Variants in BTN1A1 observed in about 807,000 individuals in gnomAD.
BTN1A1 encodes butyrophilin subfamily 1 member A1.
Under a neutral mutation model 33.1 loss-of-function variants are expected in BTN1A1, and 26 were observed. The observed-to-expected ratio is 0.79, with a 90% confidence interval of 0.58 to 1.09. BTN1A1 has a LOEUF of 1.09. Ranked by LOEUF, BTN1A1 falls within the 50% of genes least tolerant of loss-of-function variation. The pLI is 0.00. For missense variants in BTN1A1, 558 were observed against 655.7 expected (o/e 0.85, Z 1.63); for synonymous variants, 235 against 256.2 (o/e 0.92, Z 0.79).
chr6:26,500,959 C>T (rs1763790683), intron 1 of BTN1A1, among the ~76,000 whole-genome samples: 2 of 151,878 alleles, frequency 1.3e-5, no homozygotes. Flanking sequence ...TTTTTTAGTG[C>T]AGTGATTCCA....
chr6:26,501,432 C>T lies in BTN1A1; in HGVS notation c.79+67C>T, dbSNP rs1763796657. 1 of 1,578,766 alleles carries T rather than the reference C, an allele frequency of 6.3e-7. No homozygotes were observed. The highest frequency in any genetic ancestry group is 8.7e-7 in the Non-Finnish European group (1 of 1,148,818). On this transcript the variant is annotated intron_variant, in intron 2 of 7. Transcript: ENST00000684113. This position sits in a 1 kb window ranked among gnomAD's most constrained non-coding sequence, Gnocchi z 5.2. Reference sequence around the variant, plus strand: ...TCAATAAATGTAAAATAAACAATCCCACTTGGCTCTCCCTGGAGACCTCCA... The same window carrying T: ...TCAATAAATGTAAAATAAACAATCCTACTTGGCTCTCCCTGGAGACCTCCA...
chr6:26,506,808 A>C lies in BTN1A1; in HGVS notation c.835A>C (p.Arg279=). 1.9e-6 allele frequency: 3 copies of C among 1,614,152 alleles called. No homozygotes were observed. The highest frequency in any genetic ancestry group is 2.5e-6 in the Non-Finnish European group (3 of 1,180,016). ...ACTATACAACGAAAGACCCAGAGAG[A>C]GGAGGAATGAATTCAGCTCTAAAGG... is the stretch of plus-strand genomic sequence containing the variant. ...WRLYNERPRE[R]RNEFSSKERL... Residue 279 remains arginine, a synonymous_variant, in exon 5 of 8, where the codon AGG becomes CGG. Coordinates refer to ENST00000684113, the MANE Select transcript of BTN1A1 (RefSeq NM_001732.3).
chr6:26,505,084 A>C lies in BTN1A1; in HGVS notation c.587A>C (p.Glu196Ala). 1.2e-6 allele frequency: 2 copies of C among 1,614,238 alleles called. No individual in the cohort carries two copies. Among genetic ancestry groups the C allele is most frequent in the Non-Finnish European group, 1.7e-6 (2 of 1,180,048 alleles). ...ACATCAGAGTCCAGGAATCCTGATG[A>C]AGAAGGTTTGTTCACTGTGGCTGCT... is the stretch of plus-strand genomic sequence containing the variant. ...PSTSESRNPD[E>A]EGLFTVAASV... Residue 196 changes from glutamate to alanine, a missense_variant, in exon 4 of 8, where the codon GAA becomes GCA. Physicochemically the swap from Glu to Ala is moderately radical, Grantham distance 107. Coordinates refer to ENST00000684113, the MANE Select transcript of BTN1A1 (RefSeq NM_001732.3).
At chr6:26,503,657 A>ATT (rs1323263550) in intron 3 of BTN1A1, among the ~76,000 whole-genome samples, 1 of 148,678 alleles carries the variant, frequency 6.7e-6, no homozygotes, top group East Asian at 1.9e-4. Context: ...ATATGCATAT[A>ATT]TTATATATAT....
At position 26,509,458 on chromosome 6, in the gene BTN1A1, A is replaced by C; in HGVS notation, c.*284A>C. On this transcript the variant is annotated 3_prime_UTR_variant, in exon 8 of 8. Coordinates refer to ENST00000684113, the MANE Select transcript of BTN1A1 (RefSeq NM_001732.3). ...TAGGAAACTACTTGGAGCAAACTCAAAGGACAGATTAGGGATCGAGATTGG... is the reference window on the plus strand; with the variant it reads ...TAGGAAACTACTTGGAGCAAACTCACAGGACAGATTAGGGATCGAGATTGG... 2 of 336,636 alleles carry C rather than the reference A, an allele frequency of 5.9e-6. No individual in the cohort carries two copies. 20.9% of individuals were successfully genotyped at this position (336,636 alleles called of 1,614,324 possible).
intron 4 of BTN1A1, among the ~76,000 whole-genome samples, chr6:26,505,584 C>G (rs1001807520): frequency 6.6e-6 from 1 of 152,074 alleles, no homozygotes; most frequent in Non-Finnish European, 1.5e-5. Flanking sequence ...ACCACCGTGC[C>G]CAACTAATTT....
In BTN1A1 at chr6:26,506,680, T is replaced by C; in HGVS notation, c.710-3T>C. 1 of 1,613,304 alleles carries C rather than the reference T, an allele frequency of 6.2e-7. No homozygotes were observed. Among genetic ancestry groups the C allele is most frequent in the Non-Finnish European group, 8.5e-7 (1 of 1,179,844 alleles). On this transcript the variant is annotated splice_region_variant and splice_polypyrimidine_tract_variant and intron_variant, in intron 4 of 7. Transcript: ENST00000684113. ...AATGTCCTTCTTGGGGATTTTGTTTTAGCTTCCTCCCTCCCAAGGCTGACT... is the reference window on the plus strand; with the variant it reads ...AATGTCCTTCTTGGGGATTTTGTTTCAGCTTCCTCCCTCCCAAGGCTGACT...
Position 26,505,220 on chromosome 6 carries a change from A to T in BTN1A1, c.709+14A>T. Reference sequence around the variant, plus strand: ...TATCCATACCAGGTTAGTGGAACCAATGCTGCTGGATTCCTATGTTGACAC... The same window carrying T: ...TATCCATACCAGGTTAGTGGAACCATTGCTGCTGGATTCCTATGTTGACAC... On this transcript the variant is annotated intron_variant, in intron 4 of 7. Transcript: ENST00000684113. 6.2e-7 allele frequency: 1 copy of T among 1,607,588 alleles called. No homozygotes were observed. The highest frequency in any genetic ancestry group is 8.5e-7 in the Non-Finnish European group (1 of 1,175,022).
chr6:26,507,317 G>A lies in BTN1A1; in HGVS notation c.859+485G>A, dbSNP rs2113894080. Among the ~76,000 whole-genome samples, 2 of 152,286 alleles carry A rather than the reference G, an allele frequency of 1.3e-5. 1 individual carries two copies. The highest frequency in any genetic ancestry group is 4.2e-4 in the South Asian group (2 of 4,814). ...GATGCCAATATGAAGAAGCACAGAG[G>A]ATTGGGGCATAGGCAGAGTCTAATC... is the stretch of plus-strand genomic sequence containing the variant. On this transcript the variant is annotated intron_variant, in intron 5 of 7. Coordinates refer to ENST00000684113, the MANE Select transcript of BTN1A1 (RefSeq NM_001732.3).
At chr6:26,505,433 A>AT (rs1039761465) in intron 4 of BTN1A1, among the ~76,000 whole-genome samples, 2 of 152,218 alleles carry the variant, frequency 1.3e-5, no homozygotes, top group Admixed American at 6.5e-5. Context: ...TTATCTATTT[A>AT]TTTTTTGAGA....
At position 26,501,651 on chromosome 6, in the gene BTN1A1, G is replaced by A. The variant is rs763590337; in HGVS notation, c.141G>A (p.Glu47=). 45 of 1,613,998 alleles carry A rather than the reference G, an allele frequency of 2.8e-5. No individual in the cohort carries two copies. The highest frequency in any genetic ancestry group is 2.3e-4 in the Admixed American group (14 of 60,020). ...PILAVVGEDA[E]LPCRLSPNAS... ...TGGCCGTTGTGGGTGAGGACGCCGAGCTGCCCTGTCGCCTGTCTCCGAACG... is the reference window on the plus strand; with the variant it reads ...TGGCCGTTGTGGGTGAGGACGCCGAACTGCCCTGTCGCCTGTCTCCGAACG... Residue 47 remains glutamate (E), a synonymous_variant, in exon 3 of 8, where the codon GAG becomes GAA. Transcript: ENST00000684113. The surrounding 1 kb of genome is among the most constrained non-coding windows in gnomAD (Gnocchi z 5.2).
At chr6:26,507,298 A>C (rs1415530326) in intron 5 of BTN1A1, among the ~76,000 whole-genome samples, 1 of 152,212 alleles carries the variant, frequency 6.6e-6, no homozygotes, top group Non-Finnish European at 1.5e-5. Context: ...CACAGATGCC[A>C]ATATGAAGAA....
intron 4 of BTN1A1, 79 bp from the exon 5 acceptor site, chr6:26,506,604 C>T (rs1174899196): frequency 6.7e-7 from 1 of 1,492,104 alleles, no homozygotes; most frequent in Non-Finnish European, 9.2e-7. Flanking sequence ...ACCTCTTCTA[C>T]CCTCCTTTGG....
At chr6:26,505,319 T>C (rs1763856153) in intron 4 of BTN1A1, 113 bp downstream of exon 4, 3 of 1,125,866 alleles carry the variant, frequency 2.7e-6, no homozygotes, top group Non-Finnish European at 3.8e-6. Context: ...TTTCCCCACC[T>C]AAGCTCTTTT....
chr6:26,503,002 G>A (rs916504968), intron 3 of BTN1A1, among the ~76,000 whole-genome samples: 15 of 152,114 alleles, frequency 9.9e-5, no homozygotes, highest in African/African-American at 3.6e-4. Context: ...CTGTAAAACT[G>A]AGGATGTTTT....
intron 5 of BTN1A1, 110 bp from the exon 6 acceptor site, chr6:26,507,840 A>T: frequency 8.9e-7 from 1 of 1,118,860 alleles, no homozygotes; most frequent in Non-Finnish European, 1.3e-6. Flanking sequence ...TCAATATTCA[A>T]ATAGTCATGA....
At position 26,501,276 on chromosome 6, in the gene BTN1A1, A is replaced by G; in HGVS notation, c.-11A>G. ...CACATCAGTTATCTTGCTGCTCCAG[A>G]AGGGTGGGAGATGGCAGTTTTCCCA... is the stretch of plus-strand genomic sequence containing the variant. On this transcript the variant is annotated 5_prime_UTR_variant, in exon 2 of 8. Coordinates refer to ENST00000684113, the MANE Select transcript of BTN1A1 (RefSeq NM_001732.3). This position sits in a 1 kb window ranked among gnomAD's most constrained non-coding sequence, Gnocchi z 5.2. 1 of 1,612,928 alleles carries G rather than the reference A, an allele frequency of 6.2e-7. No homozygotes were observed. Among genetic ancestry groups the G allele is most frequent in the African/African-American group, 1.3e-5 (1 of 74,968 alleles).
chr6:26,504,880 A>AAAAGGGG, intron 3 of BTN1A1, 45 bp from the exon 4 acceptor site: 3 of 1,540,924 alleles, frequency 1.9e-6, no homozygotes, highest in Non-Finnish European at 2.7e-6. Context: ...TAAGGCTCCC[A>AAAAGGGG]AAAGGGGTCC....
intron 7 of BTN1A1, 70 bp downstream of exon 7, chr6:26,508,157 T>C: frequency 6.7e-7 from 1 of 1,499,376 alleles, no homozygotes; most frequent in South Asian, 1.3e-5. Flanking sequence ...CTATGATACT[T>C]GGAAATGAAA....
Sources: gnomAD v4.1 joint callset for allele counts (sites outside exome capture counted in the v4.1 genomes callset) on GRCh38, gnomAD v4.1.1 for gene constraint, Gnocchi (gnomAD v3.1) non-coding constraint, MANE v1.5 for transcripts, NCBI Gene and HGNC (gene_info 2026-07-23, HGNC 2026-07-21) for gene names.